Variants in CERS6 observed in about 807,000 individuals in gnomAD.
CERS6 encodes ceramide synthase 6.
CERS6 carries 26 observed loss-of-function variants against 56.8 expected under a neutral mutation model. The observed-to-expected ratio is 0.46, with a 90% CI of 0.34 to 0.63. The LOEUF is 0.63. CERS6 is among the 30% of genes least tolerant of loss of function. The pLI is 0.01. For synonymous variants in CERS6, 164 were observed against 173.3 expected, an observed-to-expected ratio of 0.95 and a Z score of 0.42; for missense variants, 415 against 467.5, an observed-to-expected ratio of 0.89 and a Z score of 1.04.
chr2:168,755,431 G>A (rs1308503987), intron 8 of CERS6, among the ~76,000 whole-genome samples: 1 of 152,120 alleles, frequency 6.6e-6, no homozygotes, highest in South Asian at 2.1e-4. Flanking sequence ...GTGACTCTCA[G>A]CATGGAGGCA....
chr2:168,602,691 C>CA (rs1460186552), intron 3 of CERS6, among the ~76,000 whole-genome samples: 1 of 152,134 alleles, frequency 6.6e-6, no homozygotes, highest in Admixed American at 6.6e-5. Flanking sequence ...GATTTGACAT[C>CA]AAAAACAGGG....
intron 1 of CERS6, among the ~76,000 whole-genome samples, chr2:168,542,782 T>C (rs968235604): frequency 7.2e-5 from 11 of 152,134 alleles, no homozygotes; most frequent in Admixed American, 1.3e-4. Flanking sequence ...CTGCAGCCTC[T>C]GCCTCCCGGG....
chr2:168,704,410 T>A (rs1029976456), intron 6 of CERS6, among the ~76,000 whole-genome samples: 1 of 152,044 alleles, frequency 6.6e-6, no homozygotes, highest in East Asian at 1.9e-4. Context: ...ATGGGGAGTT[T>A]CTCTCAAGTC....
chr2:168,564,283 A>G lies in CERS6; in HGVS notation c.407+2961A>G, dbSNP rs573760792. ...TTCCACTCCTGACTTTATTTTTCCTATTGTTTTTATGCTTCCGTTTTGTCA... is the reference window on the plus strand; with the variant it reads ...TTCCACTCCTGACTTTATTTTTCCTGTTGTTTTTATGCTTCCGTTTTGTCA... On this transcript the variant is annotated intron_variant, in intron 3 of 9. Coordinates refer to ENST00000305747, the MANE Select transcript of CERS6 (RefSeq NM_203463.3). Among the ~76,000 whole-genome samples, 10 of 151,966 alleles carry G rather than the reference A, an allele frequency of 6.6e-5. No individual in the cohort carries two copies. The East Asian group carries it at 1.5e-3, about 23-fold the overall frequency.
chr2:168,550,794 C>T (rs538406366), intron 2 of CERS6, among the ~76,000 whole-genome samples: 22 of 152,336 alleles, frequency 1.4e-4, no homozygotes, highest in South Asian at 1.0e-3. Context: ...CCTACCGAGT[C>T]GCCCACCACA....
chr2:168,535,674 T>TTG (rs1469219607), intron 1 of CERS6, among the ~76,000 whole-genome samples: 2 of 150,164 alleles, frequency 1.3e-5, no homozygotes, highest in Non-Finnish European at 3.0e-5. Flanking sequence ...TACCAGTTTT[T>TTG]TTTTTTTTTT....
chr2:168,494,754 T>C lies in CERS6; in HGVS notation c.170+38136T>C, dbSNP rs537128957. On this transcript the variant is annotated intron_variant, in intron 1 of 9. Transcript: ENST00000305747. ...GCTGGACAGGAGAACCACTACCCTT[T>C]GTTAAAAGCATGGAATATCGATAGC... Among the ~76,000 whole-genome samples, 76 of 152,270 alleles carry C rather than the reference T, an allele frequency of 5.0e-4. No individual in the cohort carries two copies. In the South Asian group the frequency reaches 0.013, roughly 26 times the overall value.
chr2:168,753,265 A>G (rs185383010), intron 8 of CERS6, among the ~76,000 whole-genome samples: 47 of 152,330 alleles, frequency 3.1e-4, no homozygotes, highest in Non-Finnish European at 6.3e-4. Flanking sequence ...CTTTCCACCC[A>G]TATTCCCAGG....
intron 4 of CERS6, among the ~76,000 whole-genome samples, chr2:168,639,655 A>G (rs1490327871): frequency 6.6e-6 from 1 of 152,068 alleles, no homozygotes; most frequent in African/African-American, 2.4e-5. Context: ...GAAGGGCCTC[A>G]TCTTGTCTGG....
chr2:168,592,194 T>C (rs1013605755), intron 3 of CERS6, among the ~76,000 whole-genome samples: 1 of 152,208 alleles, frequency 6.6e-6, no homozygotes, highest in Non-Finnish European at 1.5e-5. Context: ...ACAATGTTTT[T>C]AAGGATATGT....
At chr2:168,524,637 AGT>A (rs1271367271) in intron 1 of CERS6, among the ~76,000 whole-genome samples, 2 of 152,178 alleles carry the variant, frequency 1.3e-5, no homozygotes, top group African/African-American at 4.8e-5. Context: ...AGATAAGCCT[AGT>A]GAATGATGTG....
At chr2:168,567,396 A>C (rs970229888) in intron 3 of CERS6, among the ~76,000 whole-genome samples, 1 of 152,360 alleles carries the variant, frequency 6.6e-6, no homozygotes, top group African/African-American at 2.4e-5. Flanking sequence ...ATTTTAGATC[A>C]TATGGACTTT....
intron 8 of CERS6, among the ~76,000 whole-genome samples, chr2:168,724,426 T>C (rs758541050): frequency 5.5e-4 from 83 of 152,288 alleles, no homozygotes; most frequent in Admixed American, 1.1e-3. Flanking sequence ...TGGCCACTGC[T>C]GGCTCGGGCA....
At chr2:168,628,317 C>T (rs931910203) in intron 3 of CERS6, among the ~76,000 whole-genome samples, 3 of 152,296 alleles carry the variant, frequency 2.0e-5, no homozygotes, top group African/African-American at 7.2e-5. Context: ...GCCCCACTCT[C>T]TCTCCTCCTG....
At chr2:168,491,813 C>T (rs1694379556) in intron 1 of CERS6, among the ~76,000 whole-genome samples, 1 of 152,090 alleles carries the variant, frequency 6.6e-6, no homozygotes, top group Non-Finnish European at 1.5e-5. Flanking sequence ...TGTTTCCCTC[C>T]CTGTGTCCAT....
chr2:168,695,855 T>C (rs1450392419), intron 6 of CERS6, among the ~76,000 whole-genome samples: 1 of 152,168 alleles, frequency 6.6e-6, no homozygotes, highest in African/African-American at 2.4e-5. Context: ...TCTGGGTCCA[T>C]ACTTCCACAT....
rs1421952060 is a variant in CERS6 at position 168,456,493 on chromosome 2, C to CCCGCACAATGTCA, written c.48_60dup (p.Trp21AlafsTer20). 1 of 1,613,956 alleles carries CCCGCACAATGTCA rather than the reference C, an allele frequency of 6.2e-7. No individual in the cohort carries two copies. The highest frequency in any genetic ancestry group is 8.5e-7 in the Non-Finnish European group (1 of 1,179,884). ...GGTTCTGGAACGAGAGGTTTTGGCT[C>CCCGCACAATGTCA]CCGCACAATGTCACCTGGGCGGACC... is the stretch of plus-strand genomic sequence containing the variant. On this transcript the variant is annotated frameshift_variant, in exon 1 of 10. Coordinates refer to ENST00000305747, the MANE Select transcript of CERS6 (RefSeq NM_203463.3). LOFTEE classifies it high-confidence loss of function. This position sits in a 1 kb window ranked among gnomAD's most constrained non-coding sequence, Gnocchi z 4.1.
At chr2:168,527,995 T>A (rs1269110686) in intron 1 of CERS6, among the ~76,000 whole-genome samples, 3 of 152,034 alleles carry the variant, frequency 2.0e-5, no homozygotes, top group Non-Finnish European at 4.4e-5. Context: ...ATGCTGGGAT[T>A]GCAGGTGTGA....
At chr2:168,719,256 G>C (rs559730328) in intron 8 of CERS6, among the ~76,000 whole-genome samples, 4 of 152,290 alleles carry the variant, frequency 2.6e-5, no homozygotes, top group Admixed American at 2.0e-4. Flanking sequence ...GGTATGGGGT[G>C]GGGGAGGCCA....
Sources: gnomAD v4.1 joint callset for allele counts (sites outside exome capture counted in the v4.1 genomes callset) on GRCh38, gnomAD v4.1.1 for gene constraint, Gnocchi (gnomAD v3.1) non-coding constraint, MANE v1.5 for transcripts, NCBI Gene and HGNC (gene_info 2026-07-23, HGNC 2026-07-21) for gene names.